Variants in NIN observed in about 807,000 individuals in gnomAD.
The protein encoded by NIN is glycogen synthase kinase 3 beta-interacting protein.
NIN carries 137 observed loss-of-function variants against 257.6 expected under a neutral mutation model. The observed-to-expected ratio is 0.53, with a 90% CI of 0.46 to 0.61. NIN has a LOEUF of 0.61. Among genes scored for constraint, NIN ranks in the 20% least tolerant of loss-of-function variants. NIN has a pLI of 0.00. For missense variants in NIN, 2,439 were observed against 2,501.2 expected (o/e 0.98, Z 0.53); for synonymous variants, 918 against 919.8 (o/e 1.00, Z 0.04).
intron 25 of NIN, among the ~76,000 whole-genome samples, chr14:50,740,512 C>T (rs2041230397): frequency 6.6e-6 from 1 of 152,194 alleles, no homozygotes; most frequent in South Asian, 2.1e-4. Flanking sequence ...CCATGCCCAG[C>T]TAATTTTTTT....
intron 5 of NIN, among the ~76,000 whole-genome samples, chr14:50,789,893 CAGTA>C (rs1401066496): frequency 1.3e-5 from 2 of 152,206 alleles, no homozygotes; most frequent in African/African-American, 2.4e-5. Context: ...CTTGCCATAA[CAGTA>C]AGTAACAAGA....
rs71118900 is a variant in NIN, at chr14:50,755,648, C to CTTTTTTT, written c.4539-788_4539-782dup. Among the ~76,000 whole-genome samples the CTTTTTTT allele has an allele frequency of 7.5e-5, 6 of 80,018 alleles. No homozygotes were observed. In the South Asian group the frequency reaches 1.3e-3, roughly 17 times the overall value. The allele number at this position is 80,018 out of a possible 152,430, so 52.5% of individuals were successfully genotyped here. ...TAAATTTCCACTGTTTGTTTTGTCT[C>CTTTTTTT]TTTTTTTTTTTTTTTTTTTTTTTTT... On this transcript the variant is annotated intron_variant, in intron 18 of 30. Coordinates refer to ENST00000530997, the MANE Select transcript of NIN (RefSeq NM_020921.4).
In NIN at chr14:50,741,493, C is replaced by T. The variant is rs7153080; in HGVS notation, c.5448+89G>A. 0.042 allele frequency: 40,618 copies of T among 965,624 alleles called. 971 individuals are homozygous for T. Among genetic ancestry groups the T allele is most frequent in the Middle Eastern group, 0.06 (277 of 4,640 alleles). 59.8% of individuals were successfully genotyped at this position (965,624 alleles called of 1,614,324 possible). A position where few individuals can be genotyped will look rare whatever the true frequency, so the allele number is the denominator to read the frequency against. ...AAATATGCATATTTATATGTACATA[C>T]ATATACACATAAAAATAACCAAGTT... On this transcript the variant is annotated intron_variant, in intron 25 of 30. Coordinates refer to ENST00000530997, the MANE Select transcript of NIN (RefSeq NM_020921.4).
At position 50,727,494 on chromosome 14, in the gene NIN, G is replaced by A. The variant is rs941197552; in HGVS notation, c.6079-1428C>T. The A allele has an allele frequency of 3.4e-6, 4 of 1,193,952 alleles. No homozygotes were observed. In the African/African-American group the frequency reaches 6.2e-5, roughly 19 times the overall value. 74.0% of individuals were successfully genotyped at this position (1,193,952 alleles called of 1,614,324 possible). The stretch of plus-strand genomic sequence containing the variant: ...TGATGTTTGTGAATTTGATTCACAA[G>A]ATCTGTCATTTCTACATAAATAAAT... On this transcript the variant is annotated intron_variant, in intron 29 of 30. Transcript: ENST00000530997.
rs544751261 is a variant in NIN, at chr14:50,767,208, T to G, written c.1435-318A>C. ...GTAAGTTTAAAATAGACACCAGACT[T>G]TGAATAGCCCCAAAATGTAAAATAG... On this transcript the variant is annotated intron_variant, in intron 12 of 30. Transcript: ENST00000530997. Among the ~76,000 whole-genome samples the G allele has an allele frequency of 6.6e-5, 10 of 152,292 alleles. No individual in the cohort carries two copies. In the South Asian group the frequency reaches 2.1e-3, roughly 32 times the overall value.
chr14:50,791,431 T>A (rs952591046), intron 5 of NIN, among the ~76,000 whole-genome samples: 1 of 152,086 alleles, frequency 6.6e-6, no homozygotes, highest in Non-Finnish European at 1.5e-5. Context: ...ACACTACTCT[T>A]ATACCACTTT....
intron 3 of NIN, among the ~76,000 whole-genome samples, chr14:50,813,997 G>A (rs887470107): frequency 1.3e-5 from 2 of 152,094 alleles, no homozygotes; most frequent in Non-Finnish European, 2.9e-5. Context: ...AAAAGAGGCA[G>A]TTTCATAATG....
intron 5 of NIN, among the ~76,000 whole-genome samples, chr14:50,786,281 G>T (rs2043343998): frequency 6.6e-6 from 1 of 151,874 alleles, no homozygotes; most frequent in South Asian, 2.1e-4. Context: ...AATATTTAAT[G>T]ATATGTAGGA....
At chr14:50,744,860 G>T (rs1334773324) in intron 22 of NIN, among the ~76,000 whole-genome samples, 1 of 152,136 alleles carries the variant, frequency 6.6e-6, no homozygotes, top group Non-Finnish European at 1.5e-5. Context: ...CTTGAACCTG[G>T]GAGGCAGAGG....
Position 50,756,533 on chromosome 14 carries a change from C to T in NIN, c.4497G>A (p.Gln1499=). The T allele has an allele frequency of 6.2e-7, 1 of 1,612,228 alleles. No homozygotes were observed. The highest frequency in any genetic ancestry group is 2.2e-5 in the East Asian group (1 of 44,884). The stretch of plus-strand genomic sequence containing the variant: ...TTTGCTGCATCTCACTGCACGTGAT[C>T]TGCAAGTCATGCATCATTGCCTTCA... The part of the protein sequence containing the change: ...EELKAMMHDL[Q]ITCSEMQQKV... The change falls in exon 18 of 31, where the codon CAG becomes CAA. Residue 1499 remains glutamine, a synonymous_variant. Transcript: ENST00000530997.
intron 22 of NIN, among the ~76,000 whole-genome samples, chr14:50,744,852 T>G (rs1311029235): frequency 6.6e-6 from 1 of 152,120 alleles, no homozygotes; most frequent in Non-Finnish European, 1.5e-5. Context: ...GAGAATCGCT[T>G]GAACCTGGGA....
chr14:50,748,946 A>T (rs566795970), intron 21 of NIN, among the ~76,000 whole-genome samples: 1 of 152,352 alleles, frequency 6.6e-6, no homozygotes, highest in African/African-American at 2.4e-5. Context: ...TCTTCACAGA[A>T]TTAGAAAAAA....
In NIN at chr14:50,754,836, A is replaced by T. The variant is rs1566807582; in HGVS notation, c.4570T>A (p.Ser1524Thr). 6.3e-7 allele frequency: 1 copy of T among 1,579,694 alleles called. No individual in the cohort carries two copies. Among genetic ancestry groups the T allele is most frequent in the Non-Finnish European group, 8.6e-7 (1 of 1,166,256 alleles). ...YESEKLQQEN[S>T]ILRNEITTLN... The stretch of plus-strand genomic sequence containing the variant: ...GTAGTAATTTCATTTCTCAAAATAG[A>T]ATTTTCCTGTTGAAGCTTTTCAGAT... Residue 1524 changes from serine to threonine, a missense_variant, in exon 19 of 31, where the codon TCT (serine) becomes ACT (threonine). This residue lies in a region of NIN where 2,043 missense variants were observed against 2,050.2 expected (regional missense o/e 1.00). Coordinates refer to ENST00000530997, the MANE Select transcript of NIN (RefSeq NM_020921.4).
Position 50,771,437 on chromosome 14 carries a change from T to C in NIN, c.1013A>G (p.Asn338Ser), listed in dbSNP as rs762339428. 5 of 1,614,164 alleles carry C rather than the reference T, an allele frequency of 3.1e-6. No homozygotes were observed. The South Asian group carries it at 4.4e-5, about 14-fold the overall frequency. ...AAGGGCCAGTGTTAATTCTGTCAAATTGATGTTTCCATCGAGGCTGAAATC... is the reference window on the plus strand; with the variant it reads ...AAGGGCCAGTGTTAATTCTGTCAAACTGATGTTTCCATCGAGGCTGAAATC... ...ALDFSLDGNINLTELTLALEN... is the reference protein window; with the variant it reads ...ALDFSLDGNISLTELTLALEN... Residue 338 changes from asparagine (N) to serine (S), a missense_variant, in exon 10 of 31, where the codon AAT (asparagine) becomes AGT (serine). Asn to Ser is a conservative substitution (Grantham distance 46). Coordinates refer to ENST00000530997, the MANE Select transcript of NIN (RefSeq NM_020921.4).
intron 3 of NIN, among the ~76,000 whole-genome samples, chr14:50,808,370 G>T (rs1240817658): frequency 6.6e-6 from 1 of 152,170 alleles, no homozygotes; most frequent in East Asian, 1.9e-4. Context: ...TGGCACTCAG[G>T]CCACTTGACG....
chr14:50,743,580 T>C lies in NIN; in HGVS notation c.5188-51A>G, dbSNP rs1009650447. On this transcript the variant is annotated intron_variant, in intron 23 of 30. Transcript: ENST00000530997. ...AAGAGGGCATTTTTGCAAACATAGC[T>C]AGCCTTAATTTATATGCCTGCACTT... 2.8e-6 allele frequency: 3 copies of C among 1,087,376 alleles called. No homozygotes were observed. The Admixed American group carries it at 5.2e-5, about 19-fold the overall frequency. 67.4% of individuals were successfully genotyped at this position (1,087,376 alleles called of 1,614,324 possible).
chr14:50,751,013 TATAG>T (rs1224052929), intron 21 of NIN, among the ~76,000 whole-genome samples: 7 of 152,368 alleles, frequency 4.6e-5, no homozygotes, highest in Middle Eastern at 3.4e-3. Flanking sequence ...AAAGGCATTC[TATAG>T]ATACTTCTTT....
chr14:50,784,046 C>T (rs2043242876), intron 5 of NIN, among the ~76,000 whole-genome samples: 1 of 152,202 alleles, frequency 6.6e-6, no homozygotes, highest in South Asian at 2.1e-4. Context: ...TACGTAACCT[C>T]TCATTGGAGA....
chr14:50,782,511 T>C (rs2043174650), intron 5 of NIN, among the ~76,000 whole-genome samples: 1 of 152,236 alleles, frequency 6.6e-6, no homozygotes, highest in Non-Finnish European at 1.5e-5. Context: ...ACAAAAATGC[T>C]ATCTATCCTA....
Sources: gnomAD v4.1 joint callset for allele counts (sites outside exome capture counted in the v4.1 genomes callset) on GRCh38, gnomAD v4.1.1 for gene constraint, gnomAD v4.1.1 regional missense constraint, MANE v1.5 for transcripts, NCBI Gene and HGNC (gene_info 2026-07-23, HGNC 2026-07-21) for gene names.